The following PIF1 variants were observed in gnomAD, a reference collection of about 807,000 sequenced individuals.
PIF1 encodes the protein PIF1 5'-to-3' DNA helicase, also known as ATP-dependent DNA helicase PIF1.
In PIF1, 67 loss-of-function variants were observed where a neutral mutation model predicts 62.3. The ratio of observed to expected loss-of-function variants is 1.08; its 90% CI spans 0.88 to 1.32. PIF1 has a LOEUF of 1.32. Ranked by LOEUF, PIF1 falls within the 40% of genes most tolerant of loss-of-function variation. The pLI is 0.00. For synonymous variants in PIF1, 364 were observed against 379.5 expected, an observed-to-expected ratio of 0.96 and a Z score of 0.47; for missense variants, 886 against 866.1, an observed-to-expected ratio of 1.02 and a Z score of -0.29.
Position 64,820,996 on chromosome 15 carries a change from G to C in PIF1, c.1179C>G (p.Ala393=). 1.2e-6 allele frequency: 2 copies of C among 1,613,994 alleles called. No individual in the cohort carries two copies. Among genetic ancestry groups the C allele is most frequent in the Non-Finnish European group, 1.7e-6 (2 of 1,179,950 alleles). ...GCAGAGCTCACCTGCCTAGCCTCAC[G>C]GCCTGCAGTAGAGAGATGAAGGTCT... ...ADQTFISLLQ[A]VRLGRCSDEV... Residue 393 remains alanine (A), a synonymous_variant, in exon 7 of 13, where the codon GCC becomes GCG. Coordinates refer to ENST00000559239, the MANE Select transcript of PIF1 (RefSeq NM_001286496.2).
intron 8 of PIF1, 28 bp downstream of exon 8, chr15:64,819,819 T>A (rs2084258185): frequency 6.2e-7 from 1 of 1,609,898 alleles, no homozygotes; most frequent in Non-Finnish European, 8.5e-7. Context: ...TCCCAGCTGG[T>A]CTTGCCCAGC....
chr15:64,817,419 G>A (rs2084202514), intron 11 of PIF1, among the ~76,000 whole-genome samples: 1 of 152,052 alleles, frequency 6.6e-6, no homozygotes, highest in African/African-American at 2.4e-5. Context: ...GGTGGCGGCC[G>A]CCTGTAGCCC....
At position 64,824,010 on chromosome 15, in the gene PIF1, G is replaced by A. The variant is rs2084328194; in HGVS notation, c.326C>T (p.Pro109Leu). 9.2e-6 allele frequency: 12 copies of A among 1,297,960 alleles called. No homozygotes were observed. The East Asian group carries it at 3.8e-4, about 41-fold the overall frequency. The allele number at this position is 1,297,960 out of a possible 1,614,324, so 80.4% of individuals were successfully genotyped here. A position where few individuals can be genotyped will look rare whatever the true frequency, so the allele number is the denominator to read the frequency against. Residue 109 changes from proline (P) to leucine (L), a missense_variant, in exon 2 of 13, where the codon CCC (proline) becomes CTC (leucine). Transcript: ENST00000559239. ...GAVQLLLSDC[P>L]PDRLRRFLRT... ...CAGGAAGCGGCGCAGGCGGTCTGGG[G>A]GGCAGTCCGAGAGCAGCAGCTGCAC...
chr15:64,823,177 G>C (rs1274602623), intron 2 of PIF1: 1 of 154,154 alleles, frequency 6.5e-6, no homozygotes, highest in African/African-American at 2.4e-5. Context: ...CCTCTACTCT[G>C]GGCCTATTAC....
rs2084262795 is a variant in PIF1 at position 64,819,981 on chromosome 15, G to T, written c.1199C>A (p.Ser400Ter). 1 of 1,613,700 alleles carries T rather than the reference G, an allele frequency of 6.2e-7. No homozygotes were observed. The highest frequency in any genetic ancestry group is 8.5e-7 in the Non-Finnish European group (1 of 1,179,824). Reference sequence around the variant, plus strand: ...CTGGAGCTGGCGGGTCACCTCATCTGAACACCTGTTGGGGCTGGACTGTCA... The same window carrying T: ...CTGGAGCTGGCGGGTCACCTCATCTTAACACCTGTTGGGGCTGGACTGTCA... ...LLQAVRLGRC[S>*]DEVTRQLQAT... The change falls in exon 8 of 13, where the codon TCA becomes TAA. Residue 400 changes from serine (S) to a stop codon, truncating the protein, a stop_gained. Transcript: ENST00000559239. LOFTEE classifies it high-confidence loss of function.
In PIF1 at chr15:64,818,286, A is replaced by C; in HGVS notation, c.1499T>G (p.Val500Gly). ...CCCTTCTGCCTCGAACCCAACTACCACCCCTCGGGCACCATTCACCAGGCC... is the reference window on the plus strand; with the variant it reads ...CCCTTCTGCCTCGAACCCAACTACCCCCCCTCGGGCACCATTCACCAGGCC... ...SRGLVNGARG[V>G]VVGFEAEGRG... The change falls in exon 10 of 13, where the codon GTG becomes GGG. Residue 500 changes from valine (V) to glycine (G), a missense_variant. Val to Gly is a moderately radical substitution (Grantham distance 109, BLOSUM62 -3). Coordinates refer to ENST00000559239, the MANE Select transcript of PIF1 (RefSeq NM_001286496.2). 6.2e-7 allele frequency: 1 copy of C among 1,611,986 alleles called. No homozygotes were observed. The highest frequency in any genetic ancestry group is 1.7e-5 in the Admixed American group (1 of 59,752).
chr15:64,823,445 A>T, intron 2 of PIF1: 1 of 197,456 alleles, frequency 5.1e-6, no homozygotes, highest in Non-Finnish European at 1.0e-5. Context: ...ACGAGGTTTC[A>T]CCATGTTGGC....
upstream of PIF1, among the ~76,000 whole-genome samples, chr15:64,825,990 C>G (rs2084363610): frequency 6.6e-6 from 1 of 152,166 alleles, no homozygotes; most frequent in Non-Finnish European, 1.5e-5. Context: ...CCCTCTAGCC[C>G]GCACACAGAG....
chr15:64,823,963 C>G lies in PIF1; in HGVS notation c.373G>C (p.Ala125Pro), dbSNP rs566896632. 6 of 1,303,530 alleles carry G rather than the reference C, an allele frequency of 4.6e-6. No individual in the cohort carries two copies. In the East Asian group the frequency reaches 1.9e-4, roughly 40 times the overall value. 80.7% of individuals were successfully genotyped at this position (1,303,530 alleles called of 1,614,324 possible). The change falls in exon 2 of 13, where the codon GCT (alanine) becomes CCT (proline). Residue 125 changes from alanine (A) to proline (P), a missense_variant. Ala to Pro is a conservative substitution (Grantham distance 27). Transcript: ENST00000559239. ...GCCGGCCCGGGACCCGGGGCCGCAG[C>G]CAGCTTGAGGCGCAATGTGCGCAGG... ...RFLRTLRLKLAAAPGPGPASA... is the reference protein window; with the variant it reads ...RFLRTLRLKLPAAPGPGPASA...
Position 64,816,635 on chromosome 15 carries a change from C to A in PIF1, c.1805G>T (p.Arg602Leu), listed in dbSNP as rs367918701. The A allele has an allele frequency of 3.7e-6, 6 of 1,613,930 alleles. No homozygotes were observed. Among genetic ancestry groups the A allele is most frequent in the Non-Finnish European group, 4.2e-6 (5 of 1,180,022 alleles). The change falls in exon 12 of 13, where the codon CGC becomes CTC. Residue 602 changes from arginine (R) to leucine (L), a missense_variant. Coordinates refer to ENST00000559239, the MANE Select transcript of PIF1 (RefSeq NM_001286496.2). Reference protein sequence around the residue: ...RVLDFDPMAVRCDPRVLHFYA... With the variant: ...RVLDFDPMAVLCDPRVLHFYA... ...GAAGTGCAGCACACGGGGGTCACAG[C>A]GAACCGCCATGGGGTCAAAGTCCAG... is the stretch of plus-strand genomic sequence containing the variant.
At position 64,816,640 on chromosome 15, in the gene PIF1, C is replaced by T. The variant is rs375126018; in HGVS notation, c.1800G>A (p.Ala600=). ...GLRVLDFDPM[A]VRCDPRVLHF... ...GCAGCACACGGGGGTCACAGCGAAC[C>T]GCCATGGGGTCAAAGTCCAGCACAC... The change falls in exon 12 of 13, where the codon GCG becomes GCA. Residue 600 remains alanine, a synonymous_variant. Transcript: ENST00000559239. 95 of 1,614,000 alleles carry T rather than the reference C, an allele frequency of 5.9e-5. No individual in the cohort carries two copies. The highest frequency in any genetic ancestry group is 3.3e-4 in the Middle Eastern group (2 of 6,082).
chr15:64,822,928 C>A (rs1341071875), intron 2 of PIF1, among the ~76,000 whole-genome samples: 1 of 152,088 alleles, frequency 6.6e-6, no homozygotes, highest in Non-Finnish European at 1.5e-5. Context: ...ACCTAAGTTT[C>A]TCTTCCTATC....
rs72744797 is a variant in PIF1, at chr15:64,819,837, C to T, written c.1333+10G>A. 34,696 of 1,612,190 alleles carry T rather than the reference C, an allele frequency of 0.022. 501 individuals are homozygous for T. The highest frequency in any genetic ancestry group is 0.05 in the Middle Eastern group (302 of 6,054). The stretch of plus-strand genomic sequence containing the variant: ...CAGCTGGTCTTGCCCAGCCCAGGCT[C>T]CCTGCTCACCTGGCAGCTCCTGAAG... On this transcript the variant is annotated intron_variant, in intron 8 of 12. Transcript: ENST00000559239.
At chr15:64,826,158 T>A (rs2084365302), upstream of PIF1, among the ~76,000 whole-genome samples, 1 of 151,806 alleles carries the variant, frequency 6.6e-6, no homozygotes, top group South Asian at 2.1e-4. Flanking sequence ...TAAGGGACTT[T>A]ACGCTTTGGC....
Position 64,824,042 on chromosome 15 carries a change from G to C in PIF1, c.294C>G (p.Ala98=). 7.9e-7 allele frequency: 1 copy of C among 1,266,100 alleles called. No individual in the cohort carries two copies. 78.4% of individuals were successfully genotyped at this position (1,266,100 alleles called of 1,614,324 possible). A position where few individuals can be genotyped will look rare whatever the true frequency, so the allele number is the denominator to read the frequency against. ...LRLPAHDTPG[A]GAVQLLLSDC... ...CCGAGAGCAGCAGCTGCACTGCGCC[G>C]GCCCCGGGGGTGTCGTGGGCGGGGA... The change falls in exon 2 of 13, where the codon GCC becomes GCG. Residue 98 remains alanine (A), a synonymous_variant. Coordinates refer to ENST00000559239, the MANE Select transcript of PIF1 (RefSeq NM_001286496.2).
At chr15:64,822,432 A>C in intron 3 of PIF1, 41 bp from the exon 4 acceptor site, 1 of 1,613,934 alleles carries the variant, frequency 6.2e-7, no homozygotes, top group Non-Finnish European at 8.5e-7. Context: ...CTGTTCCTCT[A>C]TCCCACCCCA....
chr15:64,818,034 C>T lies in PIF1; in HGVS notation c.1586G>A (p.Trp529Ter), dbSNP rs746184718. 13 of 1,613,856 alleles carry T rather than the reference C, an allele frequency of 8.1e-6. No individual in the cohort carries two copies. The Admixed American group carries it at 2.2e-4, about 27-fold the overall frequency. Residue 529 changes from tryptophan (W) to a stop codon, truncating the protein, a stop_gained, in exon 11 of 13, where the codon TGG (tryptophan) becomes TAG (stop). Coordinates refer to ENST00000559239, the MANE Select transcript of PIF1 (RefSeq NM_001286496.2). LOFTEE classifies it high-confidence loss of function. ...GVTEVIHADR[W>*]TVQATGGQLL... ...CTGGCCCCCGGTGGCCTGCACCGTC[C>T]AGCGGTCAGCGTGGATGACCTCAGT... is the stretch of plus-strand genomic sequence containing the variant.
intron 9 of PIF1, 67 bp downstream of exon 9, chr15:64,819,050 T>G (rs1595813448): frequency 1.6e-6 from 2 of 1,230,124 alleles, no homozygotes. Context: ...GGCAGAGGGG[T>G]AGGGATCAGC....
At position 64,822,354 on chromosome 15, in the gene PIF1, G is replaced by T. The variant is rs375227267; in HGVS notation, c.729C>A (p.Gly243=). 13 of 1,613,938 alleles carry T rather than the reference G, an allele frequency of 8.1e-6. No individual in the cohort carries two copies. The highest frequency in any genetic ancestry group is 1.1e-5 in the Non-Finnish European group (13 of 1,179,986). The stretch of plus-strand genomic sequence containing the variant: ...CCACAGTGCCTGTGGGGGGCAGTGA[G>T]CCCAGGATTCGCTTTAGCAGATATG... ...GKSYLLKRIL[G]SLPPTGTVAT... The change falls in exon 4 of 13, where the codon GGC becomes GGA. Residue 243 remains glycine, a synonymous_variant. Transcript: ENST00000559239.
Sources: gnomAD v4.1 joint callset for allele counts (sites outside exome capture counted in the v4.1 genomes callset) on GRCh38, gnomAD v4.1.1 for gene constraint, MANE v1.5 for transcripts, NCBI Gene and HGNC (gene_info 2026-07-23, HGNC 2026-07-21) for gene names.